The following AFG2B variants were observed in gnomAD, a reference collection of about 807,000 sequenced individuals.
The protein encoded by AFG2B is AAA ATPase AFG2B.
At chr15:45,414,647 A>T in the AFG2B span, 17 of 1,614,164 alleles carry the variant, frequency 1.1e-5, 1 homozygote, top group South Asian at 1.9e-4. Context: ...GTTCTCCTCT[A>T]TGGGCCCCCT....
chr15:45,405,861 G>A, the AFG2B span, among the ~76,000 whole-genome samples: 1,848 of 152,126 alleles, frequency 0.012, 21 homozygotes, highest in Middle Eastern at 0.024. Flanking sequence ...TACAAAAATA[G>A]TACAAAGAGT....
At chr15:45,416,464 A>T in the AFG2B span, among the ~76,000 whole-genome samples, 1 of 151,972 alleles carries the variant, frequency 6.6e-6, no homozygotes, top group Non-Finnish European at 1.5e-5. Context: ...TTTTTCTTTT[A>T]TTCCTCTCTC....
chr15:45,402,997 C>T, the AFG2B span: 2 of 1,589,852 alleles, frequency 1.3e-6, no homozygotes, highest in Non-Finnish European at 1.7e-6. Context: ...TGGCGGGGAG[C>T]CTCCGTCGGA....
chr15:45,407,440 G>T, the AFG2B span, among the ~76,000 whole-genome samples: 1 of 152,210 alleles, frequency 6.6e-6, no homozygotes, highest in African/African-American at 2.4e-5. Flanking sequence ...GTACACACAT[G>T]ATCTTGAACT....
At chr15:45,404,369 A>G in the AFG2B span, among the ~76,000 whole-genome samples, 1 of 152,172 alleles carries the variant, frequency 6.6e-6, no homozygotes. Flanking sequence ...TAGAATTTTC[A>G]TTGTGCAACT....
At chr15:45,419,544 G>A in the AFG2B span, among the ~76,000 whole-genome samples, 15,046 of 151,388 alleles carry the variant, frequency 0.099, 842 homozygotes, top group Middle Eastern at 0.25. Context: ...ACCCTTTTTC[G>A]TAAACTTTTA....
chr15:45,405,323 G>T, the AFG2B span: 1 of 1,613,750 alleles, frequency 6.2e-7, no homozygotes, highest in Non-Finnish European at 8.5e-7. Context: ...CATATAGGTG[G>T]TCATTGGGAC....
the AFG2B span, among the ~76,000 whole-genome samples, chr15:45,411,766 C>T: frequency 6.6e-6 from 1 of 152,086 alleles, no homozygotes; most frequent in African/African-American, 2.4e-5. Context: ...GCAGCTTGGG[C>T]AACAGAGCGA....
chr15:45,420,112 T>C, the AFG2B span, among the ~76,000 whole-genome samples: 2 of 152,236 alleles, frequency 1.3e-5, no homozygotes, highest in South Asian at 2.1e-4. Context: ...GCATGTGGCA[T>C]ATGTTATTTT....
the AFG2B span, chr15:45,403,497 G>A: frequency 0.33 from 523,503 of 1,602,854 alleles, 106,091 homozygotes; most frequent in East Asian, 0.84. Flanking sequence ...CGCTGCGTAG[G>A]CCCGGGAGAT....
At chr15:45,414,625 C>T in the AFG2B span, 1 of 1,614,172 alleles carries the variant, frequency 6.2e-7, no homozygotes, top group Non-Finnish European at 8.5e-7. Flanking sequence ...GGGCCTGACA[C>T]AACCAAAGGG....
the AFG2B span, chr15:45,414,539 A>C: frequency 3.8e-6 from 6 of 1,595,084 alleles, no homozygotes; most frequent in African/African-American, 6.7e-5. Flanking sequence ...TTATTATACT[A>C]AAACAACTCT....
the AFG2B span, chr15:45,415,872 A>G: frequency 8.2e-7 from 1 of 1,216,482 alleles, no homozygotes. Context: ...CATATATGCT[A>G]TAGCTTTACC....
chr15:45,407,263 G>A, the AFG2B span: 1 of 1,178,666 alleles, frequency 8.5e-7, no homozygotes, highest in Non-Finnish European at 1.1e-6. Flanking sequence ...CACCAGCTGA[G>A]GGGCTGCTGC....
chr15:45,403,102 G>A, the AFG2B span: 1 of 1,520,144 alleles, frequency 6.6e-7, no homozygotes, highest in Non-Finnish European at 8.8e-7. Context: ...CTACCCGCGC[G>A]CCCTGACCGC....
At chr15:45,411,870 G>A in the AFG2B span, among the ~76,000 whole-genome samples, 2 of 152,082 alleles carry the variant, frequency 1.3e-5, no homozygotes, top group Non-Finnish European at 2.9e-5. Context: ...GCCGAGGCAG[G>A]CAGATCACCT....
At chr15:45,420,198 T>C in the AFG2B span, among the ~76,000 whole-genome samples, 1 of 152,226 alleles carries the variant, frequency 6.6e-6, no homozygotes, top group Admixed American at 6.5e-5. Flanking sequence ...TTCTAGTATA[T>C]GAATATTCTA....
chr15:45,419,327 C>T, the AFG2B span, among the ~76,000 whole-genome samples: 1 of 151,918 alleles, frequency 6.6e-6, no homozygotes, highest in East Asian at 1.9e-4. Context: ...GTCCCAGCTA[C>T]GTGGGGGACT....
At chr15:45,403,020 G>T in the AFG2B span, 4 of 1,580,748 alleles carry the variant, frequency 2.5e-6, no homozygotes, top group Non-Finnish European at 3.4e-6. Flanking sequence ...CCCAGCCGCA[G>T]CCCGAGGTGC....
Sources: gnomAD v4.1 joint callset for allele counts (sites outside exome capture counted in the v4.1 genomes callset) on GRCh38, gnomAD v4.1.1 for gene constraint, MANE v1.5 for transcripts, NCBI Gene and HGNC (gene_info 2026-07-23, HGNC 2026-07-21) for gene names.